Variants in NKAIN2 observed in about 807,000 individuals in gnomAD.
NKAIN2 encodes the protein sodium/potassium-transporting ATPase subunit beta-1-interacting protein 2.
Under a neutral mutation model 32.6 loss-of-function variants are expected in NKAIN2, and 14 were observed. The ratio of observed to expected loss-of-function variants is 0.43; its 90% CI spans 0.28 to 0.67. NKAIN2 has a LOEUF of 0.67. NKAIN2 is among the 30% of genes least tolerant of loss of function. NKAIN2 has a pLI of 0.17. For synonymous variants in NKAIN2, 80 were observed against 87.2 expected, an observed-to-expected ratio of 0.92 and a Z score of 0.46; for missense variants, 198 against 258.3, an observed-to-expected ratio of 0.77 and a Z score of 1.60.
intron 3 of NKAIN2, among the ~76,000 whole-genome samples, chr6:124,420,702 T>C (rs1490985108): frequency 6.6e-6 from 1 of 152,138 alleles, no homozygotes; most frequent in Non-Finnish European, 1.5e-5. Context: ...TCCATTTGCT[T>C]TGCGGGGTCA....
At chr6:124,758,574 C>T (rs769024585) in intron 4 of NKAIN2, among the ~76,000 whole-genome samples, 21 of 152,146 alleles carry the variant, frequency 1.4e-4, no homozygotes, top group Non-Finnish European at 2.8e-4. Context: ...AACAAAGACA[C>T]TCCGGAAGCC....
At chr6:124,657,397 T>C (rs899638549) in intron 3 of NKAIN2, among the ~76,000 whole-genome samples, 1 of 152,218 alleles carries the variant, frequency 6.6e-6, no homozygotes, top group Non-Finnish European at 1.5e-5. Context: ...CCATGTGCCA[T>C]TGATAGCTCC....
chr6:124,819,578 TG>T (rs1781309896), intron 6 of NKAIN2, among the ~76,000 whole-genome samples: 6 of 152,122 alleles, frequency 3.9e-5, no homozygotes, highest in Admixed American at 3.9e-4. Flanking sequence ...CATGCAAGTA[TG>T]ACCTGTTAAG....
intron 4 of NKAIN2, among the ~76,000 whole-genome samples, chr6:124,764,116 CTT>C (rs1229890599): frequency 6.6e-6 from 1 of 152,096 alleles, no homozygotes; most frequent in African/African-American, 2.4e-5. Context: ...AGAAACTAGT[CTT>C]TTTTAATTTG....
At chr6:124,528,652 G>T (rs963192075) in intron 3 of NKAIN2, among the ~76,000 whole-genome samples, 2 of 152,118 alleles carry the variant, frequency 1.3e-5, no homozygotes, top group Non-Finnish European at 1.5e-5. Context: ...CTAATTTGGG[G>T]AGAATTAATA....
intron 4 of NKAIN2, among the ~76,000 whole-genome samples, chr6:124,662,711 G>T (rs1470835842): frequency 6.6e-6 from 1 of 152,232 alleles, no homozygotes. Flanking sequence ...TATCCAAGTG[G>T]ACTTGAGGTT....
intron 1 of NKAIN2, among the ~76,000 whole-genome samples, chr6:124,131,380 G>A (rs1786468251): frequency 6.6e-6 from 1 of 152,130 alleles, no homozygotes; most frequent in South Asian, 2.1e-4. Context: ...ATAGGAGGCA[G>A]GATTAACATG....
intron 1 of NKAIN2, among the ~76,000 whole-genome samples, chr6:124,017,926 G>C (rs527554660): frequency 2.6e-5 from 4 of 152,296 alleles, no homozygotes; most frequent in African/African-American, 9.6e-5. Context: ...CAGTGCCCCA[G>C]TGGGTACTCT....
chr6:123,857,695 A>G (rs139493565), intron 1 of NKAIN2, among the ~76,000 whole-genome samples: 37 of 150,632 alleles, frequency 2.5e-4, no homozygotes, highest in African/African-American at 8.4e-4. Flanking sequence ...GCAGTTCAAC[A>G]TGCTTAATAA....
At position 124,312,825 on chromosome 6, in the gene NKAIN2, G is replaced by T. The variant is rs528648364; in HGVS notation, c.192+29683G>T. ...AGATTCTTTTTGGCTTTTCAATGCA[G>T]CATTCCTTCCTCCCAGTTATGGGGC... is the stretch of plus-strand genomic sequence containing the variant. On this transcript the variant is annotated intron_variant, in intron 2 of 6. Transcript: ENST00000368417. Among the ~76,000 whole-genome samples, 33 of 152,262 alleles carry T rather than the reference G, an allele frequency of 2.2e-4. 3 individuals carry two copies. The South Asian group carries it at 6.6e-3, about 31-fold the overall frequency.
chr6:124,377,836 C>T (rs548582035), intron 3 of NKAIN2, among the ~76,000 whole-genome samples: 35 of 152,218 alleles, frequency 2.3e-4, no homozygotes, highest in African/African-American at 8.2e-4. Context: ...CCTTGGGAGT[C>T]CTCAATATTG....
intron 3 of NKAIN2, among the ~76,000 whole-genome samples, chr6:124,504,341 T>C (rs1176506196): frequency 6.6e-6 from 1 of 152,164 alleles, no homozygotes; most frequent in Non-Finnish European, 1.5e-5. Context: ...TCTATAAAGT[T>C]TCCTTTGTTC....
intron 1 of NKAIN2, among the ~76,000 whole-genome samples, chr6:124,140,077 C>A (rs1787059438): frequency 6.6e-6 from 1 of 152,166 alleles, no homozygotes; most frequent in African/African-American, 2.4e-5. Context: ...CATAAGGAAA[C>A]TGGCAGTACT....
intron 3 of NKAIN2, among the ~76,000 whole-genome samples, chr6:124,569,517 G>A (rs1196083924): frequency 5.3e-5 from 8 of 152,158 alleles, no homozygotes; most frequent in Admixed American, 5.2e-4. Context: ...CCAGCGGGAG[G>A]TAATTGAATC....
At chr6:124,456,192 T>G (rs947021521) in intron 3 of NKAIN2, among the ~76,000 whole-genome samples, 1 of 151,998 alleles carries the variant, frequency 6.6e-6, no homozygotes, top group Non-Finnish European at 1.5e-5. Flanking sequence ...ACAGTTCTAA[T>G]GTCAATACAT....
At chr6:124,226,973 C>T (rs1488010749) in intron 1 of NKAIN2, among the ~76,000 whole-genome samples, 2 of 151,760 alleles carry the variant, frequency 1.3e-5, no homozygotes, top group East Asian at 1.9e-4. Flanking sequence ...TATTTATAAC[C>T]TCTATCTCAC....
In NKAIN2 at chr6:124,772,624, G is replaced by A. The variant is rs142736827; in HGVS notation, c.475-18715G>A. ...AGAAATCTGGCTTCCCCACCTCCTC[G>A]TATTAAATACTGTTCTCACTAAAAT... On this transcript the variant is annotated intron_variant, in intron 4 of 6. Transcript: ENST00000368417. Among the ~76,000 whole-genome samples the A allele has an allele frequency of 3.2e-4, 49 of 152,236 alleles. No homozygotes were observed. The East Asian group carries it at 9.3e-3, about 29-fold the overall frequency.
chr6:124,444,499 G>A (rs1015936811), intron 3 of NKAIN2, among the ~76,000 whole-genome samples: 2 of 151,904 alleles, frequency 1.3e-5, no homozygotes, highest in African/African-American at 2.4e-5. Context: ...CATAAGACAC[G>A]CATATAACAA....
At chr6:124,810,889 C>CT (rs1780873907) in intron 5 of NKAIN2, among the ~76,000 whole-genome samples, 1 of 149,452 alleles carries the variant, frequency 6.7e-6, no homozygotes, top group East Asian at 2.0e-4. Context: ...GTACGTCTTC[C>CT]TATAAAGGAT....
Sources: gnomAD v4.1 joint callset for allele counts (sites outside exome capture counted in the v4.1 genomes callset) on GRCh38, gnomAD v4.1.1 for gene constraint, MANE v1.5 for transcripts, NCBI Gene and HGNC (gene_info 2026-07-23, HGNC 2026-07-21) for gene names.